Variants in NUP214 observed in about 807,000 individuals in gnomAD.
NUP214 encodes the protein nuclear pore complex protein Nup214.
In NUP214, 79 loss-of-function variants were observed where a neutral mutation model predicts 196.2. That is an observed-to-expected ratio of 0.40 (90% CI 0.34 to 0.49). NUP214 has a LOEUF of 0.49. NUP214 is among the 20% of genes least tolerant of loss of function. NUP214 has a pLI of 0.58. For missense variants in NUP214, 2,468 were observed against 2,539.0 expected, an observed-to-expected ratio of 0.97 and a Z score of 0.60; for synonymous variants, 1,020 against 990.5, an observed-to-expected ratio of 1.03 and a Z score of -0.56.
chr9:131,232,483 C>A lies in NUP214; in HGVS notation c.6239+175C>A. On this transcript the variant is annotated intron_variant, in intron 35 of 35. Transcript: ENST00000359428. This position sits in a 1 kb window ranked among gnomAD's most constrained non-coding sequence, Gnocchi z 5.1. ...TTGGGTTTTGTGGACTTGCTCTTCT[C>A]TGTAGCAATATGGCAGGAGGTGCCA... 1 of 697,926 alleles carries A rather than the reference C, an allele frequency of 1.4e-6. No homozygotes were observed. Among genetic ancestry groups the A allele is most frequent in the Non-Finnish European group, 2.6e-6 (1 of 388,396 alleles). The allele number at this position is 697,926 out of a possible 1,614,324, so 43.2% of individuals were successfully genotyped here.
At chr9:131,219,694 G>A (rs772357262) in intron 31 of NUP214, among the ~76,000 whole-genome samples, 3 of 152,216 alleles carry the variant, frequency 2.0e-5, no homozygotes, top group Non-Finnish European at 4.4e-5. Flanking sequence ...TGAGGACACT[G>A]TGTAGGGCCA....
At chr9:131,207,662 CT>C (rs1478020533) in intron 30 of NUP214, among the ~76,000 whole-genome samples, 1 of 152,258 alleles carries the variant, frequency 6.6e-6, no homozygotes, top group Non-Finnish European at 1.5e-5. Flanking sequence ...GAGGCCGCCT[CT>C]TGCTCTAGAA....
chr9:131,229,441 A>C (rs1325925467), intron 33 of NUP214: 1 of 306,504 alleles, frequency 3.3e-6, no homozygotes, highest in East Asian at 1.2e-4. Context: ...GTGATGAACC[A>C]GCACACAGTA....
chr9:131,215,237 T>C lies in NUP214; in HGVS notation c.5618T>C (p.Val1873Ala), dbSNP rs768932573. 16 of 1,579,924 alleles carry C rather than the reference T, an allele frequency of 1.0e-5. No homozygotes were observed. Among genetic ancestry groups the C allele is most frequent in the African/African-American group, 2.8e-5 (2 of 72,604 alleles). The change falls in exon 31 of 36, where the codon GTG becomes GCG. Residue 1873 changes from valine to alanine, a missense_variant. By Grantham distance (64) the Val-to-Ala change is moderately conservative (BLOSUM62 0). Transcript: ENST00000359428. ...GQQSSSSSGS[V>A]FGSGNTGRGG... ...CAATCATCCTCTTCCAGTGGTAGCGTGTTTGGGTCTGGAAACACTGGAAGA... is the reference window on the plus strand; with the variant it reads ...CAATCATCCTCTTCCAGTGGTAGCGCGTTTGGGTCTGGAAACACTGGAAGA...
intron 5 of NUP214, among the ~76,000 whole-genome samples, chr9:131,131,531 T>G (rs1224360792): frequency 6.6e-6 from 1 of 152,160 alleles, no homozygotes; most frequent in Non-Finnish European, 1.5e-5. Flanking sequence ...ATGTAGGTGG[T>G]ATAGGTTTAA....
At chr9:131,130,161 T>TTTTTG (rs1554728091) in intron 4 of NUP214, among the ~76,000 whole-genome samples, 3 of 136,490 alleles carry the variant, frequency 2.2e-5, no homozygotes, top group African/African-American at 2.7e-5. Flanking sequence ...GTTTTTTTTT[T>TTTTTG]GAGACAGAGT....
At chr9:131,170,145 C>G (rs934909194) in intron 21 of NUP214, among the ~76,000 whole-genome samples, 3 of 151,842 alleles carry the variant, frequency 2.0e-5, no homozygotes, top group African/African-American at 7.3e-5. Context: ...TAAAATGTGA[C>G]TATGGTGCAT....
chr9:131,175,505 C>T lies in NUP214; in HGVS notation c.3203C>T (p.Thr1068Ile), dbSNP rs376694608. Reference sequence around the variant, plus strand: ...ATTATTCCTCAAGGGGCCGATAGCACAATGCTTGCCACGAAAACCGTGAAA... The same window carrying T: ...ATTATTCCTCAAGGGGCCGATAGCATAATGCTTGCCACGAAAACCGTGAAA... Reference protein sequence around the residue: ...SKIIPQGADSTMLATKTVKHG... With the variant: ...SKIIPQGADSIMLATKTVKHG... Residue 1068 changes from threonine to isoleucine, a missense_variant, in exon 23 of 36, where the codon ACA (threonine) becomes ATA (isoleucine). Thr to Ile is a moderately conservative substitution (Grantham distance 89, BLOSUM62 -1). Transcript: ENST00000359428. The T allele has an allele frequency of 2.5e-6, 4 of 1,614,106 alleles. No individual in the cohort carries two copies. Among genetic ancestry groups the T allele is most frequent in the Non-Finnish European group, 3.4e-6 (4 of 1,180,040 alleles).
Position 131,223,727 on chromosome 9 carries a change from A to ATTTATTTATTTATTTATTTTTT in NUP214, c.5902+800_5902+801insATTTATTTATTTATTTTTTTTT. Among the ~76,000 whole-genome samples the ATTTATTTATTTATTTATTTTTT allele has an allele frequency of 3.2e-4, 5 of 15,658 alleles. 1 individual carries two copies. Among genetic ancestry groups the ATTTATTTATTTATTTATTTTTT allele is most frequent in the East Asian group, 4.9e-3 (1 of 204 alleles). The allele number at this position is 15,658 out of a possible 152,430, so 10.3% of individuals were successfully genotyped here. On this transcript the variant is annotated intron_variant, in intron 32 of 35. Coordinates refer to ENST00000359428, the MANE Select transcript of NUP214 (RefSeq NM_005085.4). ...TTTTTTTATTTTTATTTATTTATTTATTTTTTTTTTTTTTTTTTTTTTTTT... is the reference window on the plus strand; with the variant it reads ...TTTTTTTATTTTTATTTATTTATTTATTTATTTATTTATTTATTTTTTTTTTTTTTTTTTTTTTTTTTTTTTT...
chr9:131,147,638 C>CATTA (rs1832123163), intron 14 of NUP214, 54 bp downstream of exon 14: 1 of 1,239,566 alleles, frequency 8.1e-7, no homozygotes, highest in African/African-American at 1.5e-5. Flanking sequence ...CTGCCCCAAG[C>CATTA]ATACCTATGA....
chr9:131,171,195 A>T (rs1832946849), intron 21 of NUP214, among the ~76,000 whole-genome samples: 2 of 152,200 alleles, frequency 1.3e-5, no homozygotes, highest in Admixed American at 1.3e-4. Flanking sequence ...TCTGTGAGTG[A>T]GCATGCCCAT....
At chr9:131,142,282 C>T (rs988203668) in intron 11 of NUP214, among the ~76,000 whole-genome samples, 1 of 152,218 alleles carries the variant, frequency 6.6e-6, no homozygotes, top group African/African-American at 2.4e-5. Flanking sequence ...TTGCTACTAG[C>T]CCATTCAATG....
intron 27 of NUP214, 175 bp downstream of exon 27, chr9:131,192,467 T>G: frequency 1.8e-5 from 8 of 436,926 alleles, no homozygotes; most frequent in East Asian, 1.1e-4. Flanking sequence ...TAAATCGATT[T>G]TCCCTTTGCA....
intron 32 of NUP214, among the ~76,000 whole-genome samples, chr9:131,224,590 A>G (rs1394501475): frequency 6.6e-6 from 1 of 152,224 alleles, no homozygotes; most frequent in Non-Finnish European, 1.5e-5. Flanking sequence ...CCCCAAATTA[A>G]TACATGGAGT....
At chr9:131,169,657 G>T (rs997107216) in intron 21 of NUP214, among the ~76,000 whole-genome samples, 22 of 152,162 alleles carry the variant, frequency 1.4e-4, no homozygotes, top group Admixed American at 1.4e-3. Flanking sequence ...CAGAGTAGGG[G>T]TTGGCAGATT....
In NUP214 at chr9:131,159,412, A is replaced by G; in HGVS notation, c.2466A>G (p.Lys822=). 6.2e-7 allele frequency: 1 copy of G among 1,614,032 alleles called. No homozygotes were observed. Among genetic ancestry groups the G allele is most frequent in the Non-Finnish European group, 8.5e-7 (1 of 1,179,994 alleles). ...TTCGGCGCCTTCATCAGTATGTGAAATTTGCTGTCCAAGATGTGAATGATG... is the reference window on the plus strand; with the variant it reads ...TTCGGCGCCTTCATCAGTATGTGAAGTTTGCTGTCCAAGATGTGAATGATG... The part of the protein sequence containing the change: ...QEIRRLHQYV[K]FAVQDVNDVL... Residue 822 remains lysine, a synonymous_variant, in exon 18 of 36, where the codon AAA becomes AAG. Coordinates refer to ENST00000359428, the MANE Select transcript of NUP214 (RefSeq NM_005085.4).
In NUP214 at chr9:131,128,777, C is replaced by T. The variant is rs1831441973; in HGVS notation, c.393+294C>T. ...AAGTTCCTACATTTTGGATGTTCTT[C>T]CATTCCAAGCAGTTTAAGAATGATA... On this transcript the variant is annotated intron_variant, in intron 3 of 35. Transcript: ENST00000359428. 6 of 322,350 alleles carry T rather than the reference C, an allele frequency of 1.9e-5. No homozygotes were observed. The South Asian group carries it at 2.8e-4, about 15-fold the overall frequency. The allele number at this position is 322,350 out of a possible 1,614,324, so 20.0% of individuals were successfully genotyped here. A position where few individuals can be genotyped will look rare whatever the true frequency, so the allele number is the denominator to read the frequency against.
chr9:131,187,383 CTTTTTTTT>C lies in NUP214; in HGVS notation c.3495+33_3495+40del. ...CAAGCAGGTAACTTACTGATTTTTA[CTTTTTTTT>C]TTTTTTTTTTTTTGAGACAGAGTCT... On this transcript the variant is annotated intron_variant, in intron 25 of 35. Coordinates refer to ENST00000359428, the MANE Select transcript of NUP214 (RefSeq NM_005085.4). The C allele has an allele frequency of 3.8e-6, 4 of 1,056,446 alleles. No homozygotes were observed. Among genetic ancestry groups the C allele is most frequent in the South Asian group, 1.7e-5 (1 of 60,586 alleles). The allele number at this position is 1,056,446 out of a possible 1,614,324, so 65.4% of individuals were successfully genotyped here.
intron 31 of NUP214, among the ~76,000 whole-genome samples, chr9:131,220,000 G>A (rs74744682): frequency 6.5e-4 from 99 of 152,212 alleles, no homozygotes; most frequent in African/African-American, 2.3e-3. Flanking sequence ...AATTCAGATT[G>A]GGTCAGGCCC....
Sources: gnomAD v4.1 joint callset for allele counts (sites outside exome capture counted in the v4.1 genomes callset) on GRCh38, gnomAD v4.1.1 for gene constraint, Gnocchi (gnomAD v3.1) non-coding constraint, MANE v1.5 for transcripts, NCBI Gene and HGNC (gene_info 2026-07-23, HGNC 2026-07-21) for gene names.